KCNJ6: variants seen among roughly 807,000 people sequenced by gnomAD.
KCNJ6 encodes potassium inwardly rectifying channel subfamily J member 6.
A neutral mutation model predicts 34.2 loss-of-function variants in KCNJ6; 9 were observed. That is an observed-to-expected ratio of 0.26 (90% confidence interval 0.16 to 0.46). KCNJ6 has a LOEUF of 0.46. Ranked by LOEUF, KCNJ6 falls within the 20% of genes least tolerant of loss-of-function variation. The pLI is 1.00. For missense variants in KCNJ6, 236 were observed against 531.3 expected (o/e 0.44, Z 5.46); for synonymous variants, 196 against 207.1 (o/e 0.95, Z 0.46).
intron 1 of KCNJ6, among the ~76,000 whole-genome samples, chr21:37,874,740 G>C (rs540634983): frequency 6.6e-6 from 1 of 152,106 alleles, no homozygotes; most frequent in Non-Finnish European, 1.5e-5. Context: ...ATTTGCTCAG[G>C]CCTCAACCTT....
At chr21:37,785,017 G>C (rs1411691015) in intron 2 of KCNJ6, among the ~76,000 whole-genome samples, 1 of 152,214 alleles carries the variant, frequency 6.6e-6, no homozygotes, top group Non-Finnish European at 1.5e-5. Context: ...CTGCTTTTGA[G>C]AGCAAGTGTT....
At chr21:37,687,408 A>G (rs1458388509) in intron 3 of KCNJ6, among the ~76,000 whole-genome samples, 1 of 152,110 alleles carries the variant, frequency 6.6e-6, no homozygotes, top group African/African-American at 2.4e-5. Context: ...GGCACTGGGT[A>G]TAATTTAAGC....
intron 1 of KCNJ6, among the ~76,000 whole-genome samples, chr21:37,881,327 G>C (rs1281765675): frequency 6.6e-6 from 1 of 152,178 alleles, no homozygotes; most frequent in Non-Finnish European, 1.5e-5. Flanking sequence ...TGAAACAACA[G>C]ACATTTATTT....
At chr21:37,758,931 G>A (rs1452967392) in intron 2 of KCNJ6, among the ~76,000 whole-genome samples, 3 of 152,070 alleles carry the variant, frequency 2.0e-5, no homozygotes, top group Admixed American at 1.3e-4. Context: ...GTGCCTTCCC[G>A]GCCTTAGATA....
Position 37,621,231 on chromosome 21 carries a change from G to A in KCNJ6, c.*3928C>T, listed in dbSNP as rs2123357923. On this transcript the variant is annotated 3_prime_UTR_variant, in exon 4 of 4. Coordinates refer to ENST00000609713, the MANE Select transcript of KCNJ6 (RefSeq NM_002240.5). ...TCAAGGAAAGAAAGACTGAAGAGTA[G>A]CCAGACTATTAGCAAACTGTTTTGG... 6.6e-6 allele frequency: 1 copy of A among 152,340 alleles called. No homozygotes were observed. Among genetic ancestry groups the A allele is most frequent in the Non-Finnish European group, 1.5e-5 (1 of 68,032 alleles). 9.4% of individuals were successfully genotyped at this position (152,340 alleles called of 1,614,324 possible).
intron 1 of KCNJ6, among the ~76,000 whole-genome samples, chr21:37,914,011 GTGTGT>G (rs2055880752): frequency 1.9e-3 from 227 of 121,584 alleles, no homozygotes; most frequent in African/African-American, 0.011. Flanking sequence ...GGATCGGGGT[GTGTGT>G]GTGTGTGTGT....
chr21:37,610,740 TATC>T lies in KCNJ6; in HGVS notation c.*14416_*14418del, dbSNP rs1351836251. On this transcript the variant is annotated 3_prime_UTR_variant, in exon 4 of 4. Coordinates refer to ENST00000609713, the MANE Select transcript of KCNJ6 (RefSeq NM_002240.5). ...GGAGATTAAACAACACACGTGTAAATATCATGGGTCAAAGAAGAAATCTCAAGA... is the reference window on the plus strand; with the variant it reads ...GGAGATTAAACAACACACGTGTAAATATGGGTCAAAGAAGAAATCTCAAGA... 6.7e-6 allele frequency: 1 copy of T among 150,330 alleles called. No individual in the cohort carries two copies. The highest frequency in any genetic ancestry group is 2.5e-5 in the African/African-American group (1 of 40,754). 9.3% of individuals were successfully genotyped at this position (150,330 alleles called of 1,614,324 possible).
chr21:37,881,685 G>A (rs772721211), intron 1 of KCNJ6, among the ~76,000 whole-genome samples: 5 of 152,064 alleles, frequency 3.3e-5, no homozygotes, highest in African/African-American at 9.7e-5. Context: ...CTTCTTCCTC[G>A]TCTTCTAAGA....
In KCNJ6 at chr21:37,802,021, G is replaced by A. The variant is rs1212219091; in HGVS notation, c.25+38637C>T. Among the ~76,000 whole-genome samples the A allele has an allele frequency of 4.6e-5, 7 of 152,170 alleles. No homozygotes were observed. The South Asian group carries it at 6.2e-4, about 13-fold the overall frequency. On this transcript the variant is annotated intron_variant, in intron 2 of 3. Coordinates refer to ENST00000609713, the MANE Select transcript of KCNJ6 (RefSeq NM_002240.5). Reference sequence around the variant, plus strand: ...ATACAACTTGTGAGTGGTGAAGCTGGAGCCAATGCCAAATTCTTAGTTATT... The same window carrying A: ...ATACAACTTGTGAGTGGTGAAGCTGAAGCCAATGCCAAATTCTTAGTTATT...
At chr21:37,811,756 A>G (rs899717801) in intron 2 of KCNJ6, among the ~76,000 whole-genome samples, 1 of 152,236 alleles carries the variant, frequency 6.6e-6, no homozygotes, top group African/African-American at 2.4e-5. Context: ...ATGATCTTGG[A>G]GGGCTTAAGG....
At chr21:37,672,637 C>T (rs2054547256) in intron 3 of KCNJ6, among the ~76,000 whole-genome samples, 1 of 152,044 alleles carries the variant, frequency 6.6e-6, no homozygotes, top group South Asian at 2.1e-4. Flanking sequence ...AACTTATCAG[C>T]TATGGTTGTT....
At chr21:37,827,913 G>A (rs1177548636) in intron 2 of KCNJ6, among the ~76,000 whole-genome samples, 2 of 152,122 alleles carry the variant, frequency 1.3e-5, no homozygotes, top group Non-Finnish European at 2.9e-5. Flanking sequence ...CCCAGGTGGG[G>A]AGCTGGTATG....
At chr21:37,709,113 A>G (rs926318350) in intron 3 of KCNJ6, among the ~76,000 whole-genome samples, 2 of 150,252 alleles carry the variant, frequency 1.3e-5, no homozygotes, top group Non-Finnish European at 2.9e-5. Flanking sequence ...TAATTTAAAA[A>G]TGAATTGATA....
intron 1 of KCNJ6, among the ~76,000 whole-genome samples, chr21:37,849,103 T>G (rs1180816857): frequency 1.3e-5 from 2 of 152,180 alleles, no homozygotes; most frequent in Non-Finnish European, 2.9e-5. Flanking sequence ...ACTGAGGATG[T>G]CCAGGTAACT....
intron 1 of KCNJ6, among the ~76,000 whole-genome samples, chr21:37,855,437 T>C (rs62221975): frequency 9.4e-4 from 143 of 152,344 alleles, no homozygotes; most frequent in Non-Finnish European, 1.9e-3. Flanking sequence ...TTGTGACTGT[T>C]CTTGGAACCT....
intron 1 of KCNJ6, among the ~76,000 whole-genome samples, chr21:37,861,653 C>G (rs1177372539): frequency 6.6e-6 from 1 of 152,106 alleles, no homozygotes; most frequent in African/African-American, 2.4e-5. Context: ...AGTAATGACC[C>G]CTTGGAAGCC....
chr21:37,759,653 A>G (rs972642294), intron 2 of KCNJ6, among the ~76,000 whole-genome samples: 2 of 152,302 alleles, frequency 1.3e-5, no homozygotes, highest in Admixed American at 6.5e-5. Flanking sequence ...GGTCTTCTCC[A>G]TAGAACCTTC....
At chr21:37,683,270 A>G (rs1442323268) in intron 3 of KCNJ6, among the ~76,000 whole-genome samples, 2 of 152,214 alleles carry the variant, frequency 1.3e-5, no homozygotes, top group African/African-American at 4.8e-5. Flanking sequence ...CAGTGTTGCA[A>G]ATGTGGCTTC....
In KCNJ6 at chr21:37,801,886, C is replaced by T. The variant is rs146072611; in HGVS notation, c.25+38772G>A. The stretch of plus-strand genomic sequence containing the variant: ...TAACATCAACTATCTCAACATTATT[C>T]CCCCCAGTCACCATGTGTGGTAGGC... On this transcript the variant is annotated intron_variant, in intron 2 of 3. Coordinates refer to ENST00000609713, the MANE Select transcript of KCNJ6 (RefSeq NM_002240.5). 4.9e-3 allele frequency among the ~76,000 whole-genome samples: 749 copies of T among 152,204 alleles called. 7 individuals are homozygous for T. Among genetic ancestry groups the T allele is most frequent in the African/African-American group, 0.017 (716 of 41,518 alleles).
Sources: allele counts gnomAD v4.1 joint callset (sites outside exome capture counted in the v4.1 genomes callset), GRCh38; gene constraint gnomAD v4.1.1; transcripts MANE v1.5; gene names NCBI Gene and HGNC (gene_info 2026-07-23, HGNC 2026-07-21).